The following PHC3 variants were observed in gnomAD, a reference collection of about 807,000 sequenced individuals.
The protein encoded by PHC3 is polyhomeotic-like protein 3.
In PHC3, 13 loss-of-function variants were observed where a neutral mutation model predicts 107.4. That is an observed-to-expected ratio of 0.12 (90% CI 0.08 to 0.19). The LOEUF (loss-of-function observed/expected upper bound fraction) is 0.19. Ranked by LOEUF, PHC3 falls within the 10% of genes least tolerant of loss-of-function variation. PHC3 has a pLI of 1.00. For synonymous variants in PHC3, 456 were observed against 427.4 expected, an observed-to-expected ratio of 1.07 and a Z score of -0.83; for missense variants, 992 against 1,210.9, an observed-to-expected ratio of 0.82 and a Z score of 2.68.
At chr3:170,119,066 A>G (rs1344311648) in intron 9 of PHC3, among the ~76,000 whole-genome samples, 2 of 151,742 alleles carry the variant, frequency 1.3e-5, no homozygotes, top group African/African-American at 4.8e-5. Flanking sequence ...GAAAAAGAAA[A>G]GAAAAGAAAA....
At chr3:170,124,280 A>T (rs988813748) in intron 8 of PHC3, among the ~76,000 whole-genome samples, 1 of 152,264 alleles carries the variant, frequency 6.6e-6, no homozygotes, top group African/African-American at 2.4e-5. Flanking sequence ...AAATAAAGCC[A>T]TAAGAGTTCA....
chr3:170,137,756 A>G (rs1723336191), intron 6 of PHC3, among the ~76,000 whole-genome samples: 1 of 152,190 alleles, frequency 6.6e-6, no homozygotes. Context: ...AAAATTAGCC[A>G]GGCGTGGTGG....
rs1714037296 is a variant in PHC3 at position 170,090,974 on chromosome 3, A to G, written c.*6256T>C. On this transcript the variant is annotated 3_prime_UTR_variant, in exon 15 of 15. Transcript: ENST00000495893. ...CTAAATAAAGATTTAAACACTAGACACTTCTGGTTTACTTTAGGCAAGACT... is the reference window on the plus strand; with the variant it reads ...CTAAATAAAGATTTAAACACTAGACGCTTCTGGTTTACTTTAGGCAAGACT... 1 of 152,192 alleles carries G rather than the reference A, an allele frequency of 6.6e-6. No homozygotes were observed. Among genetic ancestry groups the G allele is most frequent in the Non-Finnish European group, 1.5e-5 (1 of 68,026 alleles). The allele number at this position is 152,192 out of a possible 1,614,324, so 9.4% of individuals were successfully genotyped here. A position where few individuals can be genotyped will look rare whatever the true frequency, so the allele number is the denominator to read the frequency against.
At chr3:170,153,913 CGAT>C in intron 4 of PHC3, among the ~76,000 whole-genome samples, 1 of 152,180 alleles carries the variant, frequency 6.6e-6, no homozygotes, top group South Asian at 2.1e-4. Flanking sequence ...ATGGCACTGG[CGAT>C]GATATTCCTG....
intron 4 of PHC3, among the ~76,000 whole-genome samples, chr3:170,158,591 A>G (rs935395907): frequency 3.3e-5 from 5 of 151,896 alleles, no homozygotes; most frequent in African/African-American, 1.2e-4. Context: ...CCACAGAGTG[A>G]GACTCCATCT....
At position 170,129,379 on chromosome 3, in the gene PHC3, T is replaced by A. The variant is rs752460005; in HGVS notation, c.1093A>T (p.Ile365Leu). ...TQDPPPSQHCIPLQNHGLPPA... is the reference protein window; with the variant it reads ...TQDPPPSQHCLPLQNHGLPPA... ...GGAAGGCCATGGTTCTGGAGTGGTA[T>A]ACAGTGCTGGGATGGGGGTGGGTCT... The change falls in exon 8 of 15, where the codon ATA becomes TTA. Residue 365 changes from isoleucine to leucine, a missense_variant. Physicochemically the swap from Ile to Leu is conservative, Grantham distance 5. Transcript: ENST00000495893. 1.9e-6 allele frequency: 3 copies of A among 1,613,910 alleles called. No individual in the cohort carries two copies. The highest frequency in any genetic ancestry group is 1.7e-6 in the Non-Finnish European group (2 of 1,179,868).
intron 9 of PHC3, among the ~76,000 whole-genome samples, chr3:170,121,030 G>C (rs1450283967): frequency 6.6e-6 from 1 of 152,206 alleles, no homozygotes; most frequent in Non-Finnish European, 1.5e-5. Flanking sequence ...CACAATATCT[G>C]AACAAATGAG....
At chr3:170,173,581 A>G (rs1403235524) in intron 2 of PHC3, among the ~76,000 whole-genome samples, 2 of 152,252 alleles carry the variant, frequency 1.3e-5, no homozygotes, top group African/African-American at 4.8e-5. Context: ...GTGCAACTAA[A>G]GAATTGAGTT....
intron 8 of PHC3, among the ~76,000 whole-genome samples, chr3:170,123,356 T>TACACACACAC (rs3980601): frequency 0.012 from 1,870 of 149,628 alleles, 14 homozygotes; most frequent in Middle Eastern, 0.045. Flanking sequence ...TTGAAATGCA[T>TACACACACAC]ACACACACAC....
intron 8 of PHC3, among the ~76,000 whole-genome samples, chr3:170,126,504 G>GTATATATATATATATATATATA (rs1174515889): frequency 8.5e-6 from 1 of 117,322 alleles, no homozygotes; most frequent in African/African-American, 3.5e-5. Flanking sequence ...TGCTCCATAT[G>GTATATATATATATATATATATA]TATATATATA....
At position 170,129,427 on chromosome 3, in the gene PHC3, T is replaced by C. The variant is rs780757485; in HGVS notation, c.1045A>G (p.Ile349Val). Residue 349 changes from isoleucine to valine, a missense_variant, in exon 8 of 15, where the codon ATC becomes GTC. Transcript: ENST00000495893. ...LQQQQQQIQP[I>V]TLQNSTQDPP... Reference sequence around the variant, plus strand: ...TCTTGAGTTGAATTCTGAAGTGTGATTGGCTGAATTTGCTGTTGCTGCTGT... The same window carrying C: ...TCTTGAGTTGAATTCTGAAGTGTGACTGGCTGAATTTGCTGTTGCTGCTGT... 196 of 1,613,798 alleles carry C rather than the reference T, an allele frequency of 1.2e-4. No individual in the cohort carries two copies. The highest frequency in any genetic ancestry group is 1.6e-4 in the Non-Finnish European group (183 of 1,179,880).
chr3:170,176,593 G>A (rs995043818), intron 2 of PHC3, among the ~76,000 whole-genome samples: 1 of 152,216 alleles, frequency 6.6e-6, no homozygotes, highest in African/African-American at 2.4e-5. Flanking sequence ...GTGAGTTTGG[G>A]AAAGTTATTT....
intron 14 of PHC3, chr3:170,102,074 CTT>C (rs978350335): frequency 1.1e-6 from 1 of 893,060 alleles, no homozygotes; most frequent in African/African-American, 1.8e-5. Context: ...AAAAGTCTCT[CTT>C]ACTTCATTTT....
At chr3:170,175,454 AT>A (rs1352458697) in intron 2 of PHC3, among the ~76,000 whole-genome samples, 1 of 151,974 alleles carries the variant, frequency 6.6e-6, no homozygotes, top group East Asian at 1.9e-4. Flanking sequence ...CCTGGGCGAC[AT>A]AGTGAGATCC....
chr3:170,174,415 A>G (rs1171134005), intron 2 of PHC3, among the ~76,000 whole-genome samples: 1 of 152,202 alleles, frequency 6.6e-6, no homozygotes, highest in Non-Finnish European at 1.5e-5. Context: ...ATAAATAAAT[A>G]TAGAAAAGTC....
intron 1 of PHC3, among the ~76,000 whole-genome samples, chr3:170,180,213 CAG>C (rs1197293801): frequency 6.6e-6 from 1 of 151,016 alleles, no homozygotes; most frequent in Non-Finnish European, 1.5e-5. Flanking sequence ...TCCTACCACT[CAG>C]GGGGAGGACT....
intron 9 of PHC3, among the ~76,000 whole-genome samples, chr3:170,119,173 C>T (rs1350809936): frequency 6.6e-6 from 1 of 151,932 alleles, no homozygotes; most frequent in African/African-American, 2.4e-5. Context: ...TCCTATCTCA[C>T]ATACCAAATC....
intron 6 of PHC3, among the ~76,000 whole-genome samples, chr3:170,144,684 GTATGGTGATACTCAT>G (rs1379653583): frequency 1.3e-5 from 2 of 152,154 alleles, no homozygotes; most frequent in Non-Finnish European, 2.9e-5. Flanking sequence ...TCTAGTGAGT[GTATGGTGATACTCAT>G]TGTGGTTTTG....
At chr3:170,107,066 C>A in intron 11 of PHC3, 120 bp from the exon 12 acceptor site, 1 of 569,066 alleles carries the variant, frequency 1.8e-6, no homozygotes, top group South Asian at 2.7e-5. Flanking sequence ...ACTTTTCAAT[C>A]CACAGCCACT....
Sources: allele counts gnomAD v4.1 joint callset (sites outside exome capture counted in the v4.1 genomes callset), GRCh38; gene constraint gnomAD v4.1.1; transcripts MANE v1.5; gene names NCBI Gene and HGNC (gene_info 2026-07-23, HGNC 2026-07-21).